TAOK3: variants seen among roughly 807,000 people sequenced by gnomAD.
TAOK3 encodes the protein TAO kinase 3.
In TAOK3, 40 loss-of-function variants were observed where a neutral mutation model predicts 120.4. The ratio of observed to expected loss-of-function variants is 0.33; its 90% CI spans 0.26 to 0.43. TAOK3 has a LOEUF of 0.43. TAOK3 is among the 20% of genes least tolerant of loss of function. The pLI, the probability that TAOK3 is intolerant of heterozygous loss-of-function variation, is 1.00. For missense variants in TAOK3, 821 were observed against 1,112.1 expected, an observed-to-expected ratio of 0.74 and a Z score of 3.72; for synonymous variants, 355 against 387.5, an observed-to-expected ratio of 0.92 and a Z score of 0.99.
intron 1 of TAOK3, among the ~76,000 whole-genome samples, chr12:118,323,291 T>G (rs146453492): frequency 5.9e-5 from 9 of 152,088 alleles, no homozygotes; most frequent in Non-Finnish European, 1.3e-4. Context: ...CAAATACACA[T>G]AGATATTTAA....
intron 1 of TAOK3, among the ~76,000 whole-genome samples, chr12:118,343,253 C>A (rs2044703554): frequency 6.6e-6 from 1 of 151,800 alleles, no homozygotes; most frequent in Admixed American, 6.6e-5. Context: ...CATGGTGAAA[C>A]CCTGTCTCTA....
intron 1 of TAOK3, among the ~76,000 whole-genome samples, chr12:118,282,954 C>T (rs1019880788): frequency 6.6e-6 from 1 of 152,178 alleles, no homozygotes; most frequent in Non-Finnish European, 1.5e-5. Context: ...AAGCAATAGG[C>T]AACCACACTA....
At chr12:118,359,322 A>G (rs982650183) in intron 1 of TAOK3, among the ~76,000 whole-genome samples, 3 of 152,232 alleles carry the variant, frequency 2.0e-5, no homozygotes, top group African/African-American at 7.2e-5. Context: ...GTAAAAATCT[A>G]TGAAAGTCTA....
intron 13 of TAOK3, chr12:118,190,253 C>G (rs1027295308): frequency 4.6e-6 from 1 of 218,922 alleles, no homozygotes; most frequent in Non-Finnish European, 9.0e-6. Flanking sequence ...CTCCTTAGAA[C>G]AGTTTGCTTA....
In TAOK3 at chr12:118,235,034, G is replaced by A. The variant is rs566783640; in HGVS notation, c.551+524C>T. Among the ~76,000 whole-genome samples, 4 of 152,262 alleles carry A rather than the reference G, an allele frequency of 2.6e-5. No individual in the cohort carries two copies. The South Asian group carries it at 8.3e-4, about 32-fold the overall frequency. Reference sequence around the variant, plus strand: ...GCAGAGATCTAAGTCATTCTGTAAGGCATAATGAAATTCCAACGTGTCTAG... The same window carrying A: ...GCAGAGATCTAAGTCATTCTGTAAGACATAATGAAATTCCAACGTGTCTAG... On this transcript the variant is annotated intron_variant, in intron 8 of 20. Coordinates refer to ENST00000392533, the MANE Select transcript of TAOK3 (RefSeq NM_016281.4).
chr12:118,282,788 A>G (rs1297379089), intron 1 of TAOK3, among the ~76,000 whole-genome samples: 2 of 152,260 alleles, frequency 1.3e-5, no homozygotes, highest in African/African-American at 4.8e-5. Flanking sequence ...GCAAGATTCA[A>G]AGTTCTGGGT....
chr12:118,199,257 C>G lies in TAOK3; in HGVS notation c.988G>C (p.Asp330His). The G allele has an allele frequency of 6.2e-7, 1 of 1,612,252 alleles. No homozygotes were observed. Residue 330 changes from aspartate (D) to histidine (H), a missense_variant and splice_region_variant, in exon 13 of 21, where the codon GAC becomes CAC. Transcript: ENST00000392533. ...PLNESQEDEE[D>H]SEHGTSLNRE... The stretch of plus-strand genomic sequence containing the variant: ...TTCAGGCTGGTTCCATGTTCACTGT[C>G]CTGTAAAAATGGGGCACTGAGGTTA...
intron 19 of TAOK3, among the ~76,000 whole-genome samples, chr12:118,156,626 T>A (rs2034844052): frequency 6.6e-6 from 1 of 152,168 alleles, no homozygotes. Flanking sequence ...TTTCCCAGGC[T>A]CTCAGGCTCC....
intron 12 of TAOK3, chr12:118,199,623 C>T: frequency 3.4e-6 from 1 of 293,332 alleles, no homozygotes. Flanking sequence ...AGACTGCTGG[C>T]CACTAAACAG....
chr12:118,296,148 G>A (rs1244104392), intron 1 of TAOK3, among the ~76,000 whole-genome samples: 2 of 152,100 alleles, frequency 1.3e-5, no homozygotes, highest in South Asian at 2.1e-4. Flanking sequence ...AAGGTAAAAC[G>A]TATGTGGGAC....
chr12:118,190,104 A>G (rs1593102597), intron 13 of TAOK3, 163 bp from the exon 14 acceptor site: 1 of 803,784 alleles, frequency 1.2e-6, no homozygotes, highest in East Asian at 2.7e-5. Flanking sequence ...AATAAGCAAC[A>G]CATTGCAGCC....
At chr12:118,252,891 A>G (rs1197652639) in intron 3 of TAOK3, among the ~76,000 whole-genome samples, 1 of 151,898 alleles carries the variant, frequency 6.6e-6, no homozygotes, top group Non-Finnish European at 1.5e-5. Context: ...ATGTCCGGCT[A>G]AGTTTTTCTA....
At chr12:118,166,429 T>C (rs1478092935) in intron 17 of TAOK3, among the ~76,000 whole-genome samples, 1 of 151,858 alleles carries the variant, frequency 6.6e-6, no homozygotes, top group Non-Finnish European at 1.5e-5. Context: ...TCCCAGCTAC[T>C]TGGGAGGCTG....
chr12:118,185,635 T>TA (rs1189545398), intron 14 of TAOK3, among the ~76,000 whole-genome samples: 4 of 152,226 alleles, frequency 2.6e-5, no homozygotes, highest in Non-Finnish European at 4.4e-5. Context: ...AACTGTTTTT[T>TA]AAATTTTTGC....
intron 1 of TAOK3, among the ~76,000 whole-genome samples, chr12:118,349,575 A>T (rs2045043142): frequency 6.6e-6 from 1 of 152,216 alleles, no homozygotes; most frequent in Non-Finnish European, 1.5e-5. Context: ...GACAGAAAGT[A>T]AATTAGTGCT....
intron 1 of TAOK3, among the ~76,000 whole-genome samples, chr12:118,330,699 C>A (rs1232384149): frequency 1.1e-5 from 1 of 91,320 alleles, no homozygotes; most frequent in South Asian, 3.4e-4. Context: ...AAAAAAAATT[C>A]AAAAAAAGAG....
chr12:118,159,910 T>A (rs1592975707), intron 19 of TAOK3: 1 of 559,438 alleles, frequency 1.8e-6, no homozygotes, highest in Non-Finnish European at 3.2e-6. Context: ...AAAGTCCCTA[T>A]GTGCCACAGG....
At chr12:118,238,635 ATTTT>A (rs72180783) in intron 6 of TAOK3, among the ~76,000 whole-genome samples, 4 of 144,106 alleles carry the variant, frequency 2.8e-5, no homozygotes, top group Non-Finnish European at 6.1e-5. Context: ...CAGTGATTTA[ATTTT>A]TTTTTTTTTT....
In TAOK3 at chr12:118,212,920, T is replaced by C. The variant is rs375793737; in HGVS notation, c.813A>G (p.Leu271=). Residue 271 remains leucine (L), a synonymous_variant, in exon 11 of 21, where the codon CTA becomes CTG. Transcript: ENST00000392533. ...IPQERPTSAE[L]LRHDFVRRDR... is the part of the protein sequence containing the mutation. ...TATAAATTTGAAAAATTACCCTTAATAGTTCTGCTGATGTTGGCCTTTCCT... is the reference window on the plus strand; with the variant it reads ...TATAAATTTGAAAAATTACCCTTAACAGTTCTGCTGATGTTGGCCTTTCCT... 6 of 1,608,330 alleles carry C rather than the reference T, an allele frequency of 3.7e-6. No homozygotes were observed. Among genetic ancestry groups the C allele is most frequent in the Admixed American group, 1.7e-5 (1 of 59,068 alleles).
Sources: allele counts gnomAD v4.1 joint callset (sites outside exome capture counted in the v4.1 genomes callset), GRCh38; gene constraint gnomAD v4.1.1; transcripts MANE v1.5; gene names NCBI Gene and HGNC (gene_info 2026-07-23, HGNC 2026-07-21).